The following PLXNA4 variants were observed in gnomAD, a reference collection of about 807,000 sequenced individuals.
The protein encoded by PLXNA4 is plexin A4.
In PLXNA4, 44 loss-of-function variants were observed where a neutral mutation model predicts 191.8. The ratio of observed to expected loss-of-function variants is 0.23; its 90% CI spans 0.18 to 0.29. The LOEUF (loss-of-function observed/expected upper bound fraction) is 0.29, where lower values mean the gene tolerates loss of function less well. Among genes scored for constraint, PLXNA4 ranks in the 10% least tolerant of loss-of-function variants. The probability of loss-of-function intolerance (pLI) is 1.00; values close to 1 mark genes in which losing one functional copy is unlikely to be tolerated. For missense variants in PLXNA4, 1,800 were observed against 2,488.8 expected (o/e 0.72, Z 5.89); for synonymous variants, 1,082 against 1,009.5 (o/e 1.07, Z -1.36).
chr7:132,538,839 T>A (rs1388586658), intron 1 of PLXNA4, among the ~76,000 whole-genome samples: 1 of 152,190 alleles, frequency 6.6e-6, no homozygotes, highest in Non-Finnish European at 1.5e-5. Context: ...CCTAACATCC[T>A]GCCCTAAGCA....
chr7:132,633,007 T>A lies in PLXNA4; in HGVS notation c.-87+12921A>T, dbSNP rs796153373. 2.4e-4 allele frequency among the ~76,000 whole-genome samples: 36 copies of A among 152,156 alleles called. 1 individual carries two copies. The highest frequency in any genetic ancestry group is 8.2e-4 in the African/African-American group (34 of 41,500). On this transcript the variant is annotated intron_variant, in intron 2 of 4. Coordinates refer to the PLXNA4 transcript ENST00000378539. ...ACCCCCAGCTTCAACCCTGGGAACA[T>A]CACAAGGAGCGAAAACCTGTGTCTG... is the stretch of plus-strand genomic sequence containing the variant.
intron 5 of PLXNA4, among the ~76,000 whole-genome samples, chr7:132,228,714 A>G (rs1280060455): frequency 6.6e-6 from 1 of 152,116 alleles, no homozygotes; most frequent in Non-Finnish European, 1.5e-5. Context: ...AACTCCCCTC[A>G]TCCTCTCCAA....
intron 2 of PLXNA4, among the ~76,000 whole-genome samples, chr7:132,595,875 A>G (rs1323888616): frequency 6.6e-6 from 1 of 152,204 alleles, no homozygotes; most frequent in African/African-American, 2.4e-5. Context: ...TCACTTCTGG[A>G]CCCTTCAGCA....
chr7:132,594,462 AT>A (rs1802661535), intron 2 of PLXNA4, among the ~76,000 whole-genome samples: 1 of 152,218 alleles, frequency 6.6e-6, no homozygotes, highest in Admixed American at 6.5e-5. Context: ...GTGATACTTC[AT>A]TATGGCAATC....
chr7:132,188,775 T>C lies in PLXNA4; in HGVS notation c.2857-1168A>G, dbSNP rs1429906254. ...CCCTCCTTTCTCAGCTCTGCCTGGATCTCGCTGTGTGACTCTGGACAAGAC... is the reference window on the plus strand; with the variant it reads ...CCCTCCTTTCTCAGCTCTGCCTGGACCTCGCTGTGTGACTCTGGACAAGAC... On this transcript the variant is annotated intron_variant, in intron 14 of 31. Transcript: ENST00000321063. Among the ~76,000 whole-genome samples the C allele has an allele frequency of 2.0e-5, 3 of 151,922 alleles. No individual in the cohort carries two copies. In the East Asian group the frequency reaches 5.8e-4, roughly 30 times the overall value.
intron 3 of PLXNA4, among the ~76,000 whole-genome samples, chr7:132,411,615 G>A (rs989380913): frequency 5.3e-5 from 8 of 152,144 alleles, no homozygotes; most frequent in African/African-American, 1.4e-4. Context: ...ATCTGAGCAC[G>A]AGCCTTCTGA....
intron 1 of PLXNA4, among the ~76,000 whole-genome samples, chr7:132,571,662 G>A (rs1378626138): frequency 6.6e-6 from 1 of 152,110 alleles, no homozygotes; most frequent in Non-Finnish European, 1.5e-5. Context: ...TAGCTTCTAT[G>A]CTATCAAAAT....
chr7:132,246,568 AT>A (rs754340237), intron 4 of PLXNA4, among the ~76,000 whole-genome samples: 12 of 152,032 alleles, frequency 7.9e-5, no homozygotes, highest in Non-Finnish European at 1.5e-4. Context: ...CTCCTTTGGT[AT>A]TTTTCATTCA....
At chr7:132,489,204 A>G in intron 3 of PLXNA4, 88 bp downstream of exon 3, 1 of 1,404,146 alleles carries the variant, frequency 7.1e-7, no homozygotes, top group South Asian at 1.5e-5. Context: ...CCACACGCCC[A>G]AGTTAGCAAA....
chr7:132,506,640 A>T (rs532217000), intron 2 of PLXNA4, among the ~76,000 whole-genome samples: 3 of 152,318 alleles, frequency 2.0e-5, no homozygotes. Flanking sequence ...GATGCTTTTC[A>T]TGGTGGGGCA....
At position 132,241,993 on chromosome 7, in the gene PLXNA4, A is replaced by G. The variant is rs558430965; in HGVS notation, c.1504-827T>C. On this transcript the variant is annotated intron_variant, in intron 4 of 31. Coordinates refer to ENST00000321063, the MANE Select transcript of PLXNA4 (RefSeq NM_020911.2). Reference sequence around the variant, plus strand: ...ATCTTTTGAATTTCTTTGTTCTCCAATGTAGCTTTGCCTTGATGTCTCTTT... The same window carrying G: ...ATCTTTTGAATTTCTTTGTTCTCCAGTGTAGCTTTGCCTTGATGTCTCTTT... Among the ~76,000 whole-genome samples, 19 of 152,258 alleles carry G rather than the reference A, an allele frequency of 1.2e-4. 1 individual carries two copies. The East Asian group carries it at 2.3e-3, about 19-fold the overall frequency.
chr7:132,326,458 T>G (rs1481366492), intron 3 of PLXNA4, among the ~76,000 whole-genome samples: 2 of 152,182 alleles, frequency 1.3e-5, no homozygotes, highest in Non-Finnish European at 2.9e-5. Context: ...CCCTTGGTGC[T>G]CCCGTGGCCT....
chr7:132,543,677 A>C (rs1296479213), intron 1 of PLXNA4, among the ~76,000 whole-genome samples: 2 of 152,246 alleles, frequency 1.3e-5, no homozygotes, highest in African/African-American at 4.8e-5. Flanking sequence ...CCAGTTCCAA[A>C]ACATGGATAA....
chr7:132,269,780 G>T (rs1563003096), intron 4 of PLXNA4, among the ~76,000 whole-genome samples: 1 of 151,912 alleles, frequency 6.6e-6, no homozygotes, highest in Non-Finnish European at 1.5e-5. Context: ...TTCCCTGAGT[G>T]GCTGCCAGGT....
At chr7:132,229,472 G>A (rs1194838186) in intron 5 of PLXNA4, among the ~76,000 whole-genome samples, 1 of 152,172 alleles carries the variant, frequency 6.6e-6, no homozygotes, top group Non-Finnish European at 1.5e-5. Flanking sequence ...TGTGGACATG[G>A]GGCTTCACCA....
chr7:132,425,716 C>T (rs10251715), intron 3 of PLXNA4, among the ~76,000 whole-genome samples: 1 of 152,198 alleles, frequency 6.6e-6, no homozygotes, highest in Non-Finnish European at 1.5e-5. Flanking sequence ...ACAGGGGAAA[C>T]AGAGAAGAAA....
intron 2 of PLXNA4, among the ~76,000 whole-genome samples, chr7:132,606,002 A>G (rs1222656122): frequency 6.6e-6 from 1 of 152,144 alleles, no homozygotes. Context: ...CGCCTCTACT[A>G]AAAATACAAA....
At chr7:132,556,945 C>T (rs1800826133) in intron 1 of PLXNA4, among the ~76,000 whole-genome samples, 1 of 151,954 alleles carries the variant, frequency 6.6e-6, no homozygotes, top group African/African-American at 2.4e-5. Context: ...AAACTGGAAC[C>T]CCAAAAAGAA....
intron 2 of PLXNA4, among the ~76,000 whole-genome samples, chr7:132,636,961 G>GCA (rs1040100435): frequency 6.6e-6 from 1 of 152,142 alleles, no homozygotes; most frequent in African/African-American, 2.4e-5. Flanking sequence ...CCCCCAATAT[G>GCA]CACGTCCTCC....
Sources: gnomAD v4.1 joint callset for allele counts (sites outside exome capture counted in the v4.1 genomes callset) on GRCh38, gnomAD v4.1.1 for gene constraint, MANE v1.5 for transcripts, NCBI Gene and HGNC (gene_info 2026-07-23, HGNC 2026-07-21) for gene names.